TSPAN4: variants seen among roughly 807,000 people sequenced by gnomAD.
TSPAN4 encodes the protein tetraspanin 4.
TSPAN4 carries 38 observed loss-of-function variants against 31.5 expected under a neutral mutation model. The observed-to-expected ratio is 1.21, with a 90% confidence interval of 0.93 to 1.58. The LOEUF is 1.58. Among genes scored for constraint, TSPAN4 ranks in the 40% most tolerant of loss-of-function variants. The pLI, the probability that TSPAN4 is intolerant of heterozygous loss-of-function variation, is 0.00. For missense variants in TSPAN4, 330 were observed against 317.3 expected (o/e 1.04, Z -0.30); for synonymous variants, 186 against 144.6 (o/e 1.29, Z -2.06).
At chr11:843,924 G>A (rs999227564) in intron 1 of TSPAN4, among the ~76,000 whole-genome samples, 1 of 152,150 alleles carries the variant, frequency 6.6e-6, no homozygotes, top group Non-Finnish European at 1.5e-5. Flanking sequence ...CCGGAGTGGT[G>A]CTAGCCAGAT....
In TSPAN4 at chr11:864,471, A is replaced by G. The variant is rs2134065875; in HGVS notation, c.290A>G (p.Glu97Gly). The G allele has an allele frequency of 1.2e-6, 2 of 1,612,790 alleles. No individual in the cohort carries two copies. The highest frequency in any genetic ancestry group is 2.2e-5 in the South Asian group (2 of 91,084). Reference sequence around the variant, plus strand: ...CTGCTGCTGCTGGTGTTCCTGCTGGAGGCCACCATCGCCATCCTCTTCTTC... The same window carrying G: ...CTGCTGCTGCTGGTGTTCCTGCTGGGGGCCACCATCGCCATCCTCTTCTTC... The part of the protein sequence containing the change: ...FLLLLLVFLL[E>G]ATIAILFFAY... The change falls in exon 5 of 9, where the codon GAG (glutamate) becomes GGG (glycine). Residue 97 changes from glutamate to glycine, a missense_variant. Coordinates refer to ENST00000397397, the MANE Select transcript of TSPAN4 (RefSeq NM_003271.5).
intron 2 of TSPAN4, among the ~76,000 whole-genome samples, chr11:847,605 G>T (rs1001390293): frequency 1.2e-5 from 1 of 86,732 alleles, no homozygotes. Context: ...CCAGCTCCCC[G>T]CCCCCACCCC....
At chr11:851,008 C>T (rs1847666116) in intron 3 of TSPAN4, among the ~76,000 whole-genome samples, 1 of 152,236 alleles carries the variant, frequency 6.6e-6, no homozygotes, top group South Asian at 2.1e-4. Context: ...CTAACTTTTG[C>T]GGAGGTGGGG....
chr11:859,721 C>T, intron 3 of TSPAN4: 1 of 153,870 alleles, frequency 6.5e-6, no homozygotes, highest in Non-Finnish European at 1.5e-5. Flanking sequence ...CCGCCCTCCA[C>T]CGGGCTGTGC....
chr11:861,014 A>T (rs567573243), intron 3 of TSPAN4, among the ~76,000 whole-genome samples: 1 of 152,114 alleles, frequency 6.6e-6, no homozygotes. Flanking sequence ...GGCCTGGAAC[A>T]TATCTCCCGT....
At chr11:859,873 C>A (rs1263267301) in intron 3 of TSPAN4, 1 of 152,228 alleles carries the variant, frequency 6.6e-6, no homozygotes, top group African/African-American at 2.4e-5. Context: ...CCTGCAGCCA[C>A]GAGGGGCTGT....
rs1490562541 is a variant in TSPAN4 at position 848,340 on chromosome 11, T to G, written c.-18+1040T>G. ...GTAGGGGCCATGGGAAGCCCCAGGA[T>G]GGCCTTGTGGGCCTTCAGGGGACCT... On this transcript the variant is annotated intron_variant, in intron 2 of 8. Transcript: ENST00000397397. This position sits in a 1 kb window ranked among gnomAD's most constrained non-coding sequence, Gnocchi z 5.7. Among the ~76,000 whole-genome samples, 1 of 152,206 alleles carries G rather than the reference T, an allele frequency of 6.6e-6. No homozygotes were observed. The highest frequency in any genetic ancestry group is 1.5e-5 in the Non-Finnish European group (1 of 68,010).
In TSPAN4 at chr11:848,286, C is replaced by T. The variant is rs1431906765; in HGVS notation, c.-18+986C>T. ...CTGACCCATTCCTGGGGCCCAGACC[C>T]ACCAAAGAACCCCCAGGGGAAGGAC... On this transcript the variant is annotated intron_variant, in intron 2 of 8. Transcript: ENST00000397397. The surrounding 1 kb of genome is among the most constrained non-coding windows in gnomAD (Gnocchi z 5.7). 1.3e-5 allele frequency among the ~76,000 whole-genome samples: 2 copies of T among 152,312 alleles called. No homozygotes were observed. The highest frequency in any genetic ancestry group is 3.9e-4 in the East Asian group (2 of 5,178).
At chr11:866,494 G>A (rs772757985) in intron 8 of TSPAN4, 68 bp from the exon 9 acceptor site, 91 of 1,489,978 alleles carry the variant, frequency 6.1e-5, no homozygotes, top group Admixed American at 1.5e-4. Context: ...CTGAGGACAG[G>A]GACTGCTCTG....
rs760821158 is a variant in TSPAN4, at chr11:865,780, C to A, written c.519C>A (p.Phe173Leu). The A allele has an allele frequency of 4.7e-5, 75 of 1,612,588 alleles. No homozygotes were observed. Among genetic ancestry groups the A allele is most frequent in the Middle Eastern group, 1.6e-4 (1 of 6,084 alleles). ...TACCTGACTCCTGCTGCTTGGAGTT[C>A]AGTGAGAGCTGTGGGCTGCACGCCC... The part of the protein sequence containing the change: ...TRVPDSCCLE[F>L]SESCGLHAPG... The change falls in exon 7 of 9, where the codon TTC becomes TTA. Residue 173 changes from phenylalanine (F) to leucine (L), a missense_variant. Transcript: ENST00000397397.
chr11:859,572 T>TGCACCCCGGGCCCACAC (rs1405893387), intron 3 of TSPAN4: 17 of 97,958 alleles, frequency 1.7e-4, no homozygotes, highest in African/African-American at 6.9e-4. Context: ...CCCTCACTCA[T>TGCACCCCGGGCCCACAC]GCACCCCGGG....
intron 8 of TSPAN4, 123 bp downstream of exon 8, chr11:866,124 C>G: frequency 9.4e-7 from 1 of 1,059,426 alleles, no homozygotes; most frequent in Non-Finnish European, 1.4e-6. Context: ...GGGGCAAAAG[C>G]AGGAGGGCGA....
rs538312937 is a variant in TSPAN4, at chr11:860,610, G to A, written c.64-1940G>A. Among the ~76,000 whole-genome samples, 646 of 152,298 alleles carry A rather than the reference G, an allele frequency of 4.2e-3. 8 individuals are homozygous for A. Among genetic ancestry groups the A allele is most frequent in the African/African-American group, 0.015 (626 of 41,568 alleles). On this transcript the variant is annotated intron_variant, in intron 3 of 8. Transcript: ENST00000397397. ...CTGGTGTTGCAGGTGGGGGTGGGGCGGCTGCTGGTGGCCAGCAGCTATCCC... is the reference window on the plus strand; with the variant it reads ...CTGGTGTTGCAGGTGGGGGTGGGGCAGCTGCTGGTGGCCAGCAGCTATCCC...
intron 3 of TSPAN4, among the ~76,000 whole-genome samples, chr11:856,039 T>C (rs1399488623): frequency 6.6e-6 from 1 of 152,122 alleles, no homozygotes; most frequent in Non-Finnish European, 1.5e-5. Flanking sequence ...GCCCAAGGCC[T>C]ACAGGAGGCT....
At chr11:851,647 GGGTGAGGCCCA>G (rs1293680055) in intron 3 of TSPAN4, among the ~76,000 whole-genome samples, 2 of 152,166 alleles carry the variant, frequency 1.3e-5, no homozygotes, top group African/African-American at 2.4e-5. Context: ...GGCTCTGGAG[GGGTGAGGCCCA>G]GGCCTGAGGG....
In TSPAN4 at chr11:865,554, C is replaced by A; in HGVS notation, c.372C>A (p.His124Gln). The A allele has an allele frequency of 6.2e-7, 1 of 1,612,562 alleles. No individual in the cohort carries two copies. Among genetic ancestry groups the A allele is most frequent in the Non-Finnish European group, 8.5e-7 (1 of 1,179,878 alleles). ...YAQQDLKKGL[H>Q]LYGTQGNVGL... ...AGCAAGACCTGAAGAAAGGCTTGCA[C>A]CTGTACGGCACGCAGGGCAACGTGG... The change falls in exon 6 of 9, where the codon CAC becomes CAA. Residue 124 changes from histidine to glutamine, a missense_variant. Transcript: ENST00000397397.
chr11:852,461 C>A (rs538085165), intron 3 of TSPAN4, among the ~76,000 whole-genome samples: 6 of 152,346 alleles, frequency 3.9e-5, no homozygotes, highest in East Asian at 3.9e-4. Flanking sequence ...CAAACTGGAG[C>A]CCCGCTGGCT....
chr11:846,325 G>A (rs944190940), intron 1 of TSPAN4, among the ~76,000 whole-genome samples: 1 of 152,218 alleles, frequency 6.6e-6, no homozygotes, highest in African/African-American at 2.4e-5. Flanking sequence ...GGCCTTGTGG[G>A]TGTCTGAGAT....
intron 3 of TSPAN4, 117 bp downstream of exon 3, chr11:850,484 G>A: frequency 2.2e-6 from 2 of 899,738 alleles, no homozygotes; most frequent in Non-Finnish European, 3.4e-6. Flanking sequence ...TGCGGTTGTG[G>A]GGATGGTCCC....
Sources: gnomAD v4.1 joint callset for allele counts (sites outside exome capture counted in the v4.1 genomes callset) on GRCh38, gnomAD v4.1.1 for gene constraint, Gnocchi (gnomAD v3.1) non-coding constraint, MANE v1.5 for transcripts, NCBI Gene and HGNC (gene_info 2026-07-23, HGNC 2026-07-21) for gene names.